ATP8B2: variants seen among roughly 807,000 people sequenced by gnomAD.
ATP8B2 encodes the protein phospholipid-transporting ATPase ID.
ATP8B2 carries 70 observed loss-of-function variants against 133.4 expected under a neutral mutation model. The observed-to-expected ratio is 0.52, with a 90% CI of 0.43 to 0.64. The LOEUF (loss-of-function observed/expected upper bound fraction) is 0.64. Ranked by LOEUF, ATP8B2 falls within the 30% of genes least tolerant of loss-of-function variation. The pLI is 0.00. For synonymous variants in ATP8B2, 517 were observed against 589.5 expected (o/e 0.88, Z 1.78); for missense variants, 1,101 against 1,535.7 (o/e 0.72, Z 4.73).
intron 1 of ATP8B2, 172 bp from the exon 2 acceptor site, chr1:154,327,933 G>C: frequency 1.3e-6 from 2 of 1,559,060 alleles, no homozygotes; most frequent in Non-Finnish European, 1.8e-6. Context: ...TGGTGGGGAA[G>C]TCCCCTCTTT....
At chr1:154,339,646 T>G (rs1254568823) in intron 12 of ATP8B2, among the ~76,000 whole-genome samples, 1 of 152,084 alleles carries the variant, frequency 6.6e-6, no homozygotes, top group Non-Finnish European at 1.5e-5. Flanking sequence ...ACAGTGTGTA[T>G]GTTTCGGGAG....
intron 26 of ATP8B2, among the ~76,000 whole-genome samples, chr1:154,347,490 A>G (rs576092315): frequency 6.6e-6 from 1 of 152,170 alleles, no homozygotes; most frequent in Non-Finnish European, 1.5e-5. Context: ...AAGCTTACTT[A>G]TGTTTTTAAA....
Position 154,345,929 on chromosome 1 carries a change from G to A in ATP8B2, c.2778+46G>A. The A allele has an allele frequency of 6.6e-7, 1 of 1,508,136 alleles. No homozygotes were observed. The highest frequency in any genetic ancestry group is 9.2e-7 in the Non-Finnish European group (1 of 1,084,774). The allele number at this position is 1,508,136 out of a possible 1,614,324, so 93.4% of individuals were successfully genotyped here. A position where few individuals can be genotyped will look rare whatever the true frequency, so the allele number is the denominator to read the frequency against. ...CAGATGGGATGCGGGGAAGGTCACT[G>A]CTTGAAGGAGTCACATAGACGTGGT... is the stretch of plus-strand genomic sequence containing the variant. On this transcript the variant is annotated intron_variant, in intron 24 of 27. Transcript: ENST00000368489. The surrounding 1 kb of genome is among the most constrained non-coding windows in gnomAD (Gnocchi z 5.6).
rs781405177 is a variant in ATP8B2 at position 154,343,208 on chromosome 1, A to G, written c.1549A>G (p.Thr517Ala). Residue 517 changes from threonine (T) to alanine (A), a missense_variant, in exon 16 of 28, where the codon ACA becomes GCA. By Grantham distance (58) the Thr-to-Ala change is moderately conservative (BLOSUM62 0). Coordinates refer to ENST00000368489, the MANE Select transcript of ATP8B2 (RefSeq NM_001370597.1). The surrounding 1 kb of genome is among the most constrained non-coding windows in gnomAD (Gnocchi z 5.8). The stretch of plus-strand genomic sequence containing the variant: ...TGTTTTCCGCTCTCGCACCCCCAAA[A>G]CAATCACCGTCCATGAGATGGGCAC... ...GFVFRSRTPK[T>A]ITVHEMGTAI... is the part of the protein sequence containing the mutation. The G allele has an allele frequency of 9.9e-6, 16 of 1,613,956 alleles. No individual in the cohort carries two copies. Among genetic ancestry groups the G allele is most frequent in the Non-Finnish European group, 1.4e-5 (16 of 1,180,024 alleles).
rs1357113952 is a variant in ATP8B2 at position 154,346,749 on chromosome 1, C to T, written c.3154C>T (p.Arg1052Trp). ...GLFDMFPNQF[R>W]FVGNAQNTLA... ...CTTCGACATGTTTCCCAACCAGTTC[C>T]GGTTTGTGGGTAAGTCCCCGTGGCC... Residue 1052 changes from arginine to tryptophan, a missense_variant, in exon 26 of 28, where the codon CGG (arginine) becomes TGG (tryptophan). Arg to Trp is a moderately radical substitution (Grantham distance 101). Transcript: ENST00000368489. The surrounding 1 kb of genome is among the most constrained non-coding windows in gnomAD (Gnocchi z 4.5). 2 of 1,614,182 alleles carry T rather than the reference C, an allele frequency of 1.2e-6. No individual in the cohort carries two copies. The highest frequency in any genetic ancestry group is 1.1e-5 in the South Asian group (1 of 91,084).
In ATP8B2 at chr1:154,349,467, T is replaced by A. The variant is rs1206573784; in HGVS notation, c.*349T>A. The stretch of plus-strand genomic sequence containing the variant: ...ACCCACAGGGAGACTATAATCTCCT[T>A]ATTTTTTTACTCCTACTCCCCAGAG... On this transcript the variant is annotated 3_prime_UTR_variant, in exon 28 of 28. Transcript: ENST00000368489. 6 of 279,488 alleles carry A rather than the reference T, an allele frequency of 2.1e-5. No homozygotes were observed. The highest frequency in any genetic ancestry group is 3.5e-5 in the Non-Finnish European group (5 of 143,796). 17.3% of individuals were successfully genotyped at this position (279,488 alleles called of 1,614,324 possible). A position where few individuals can be genotyped will look rare whatever the true frequency, so the allele number is the denominator to read the frequency against.
chr1:154,342,249 G>A (rs184592471), intron 13 of ATP8B2, among the ~76,000 whole-genome samples: 27 of 151,884 alleles, frequency 1.8e-4, no homozygotes, highest in Admixed American at 1.1e-3. Context: ...TGAGCAGTGG[G>A]TGCCGGGGCT....
chr1:154,348,516 T>G lies in ATP8B2; in HGVS notation c.3272T>G (p.Leu1091Arg), dbSNP rs1199153228. ...VVAFRFLRLN[L>R]KPDLSDTVRY... ...GCCTTCCGATTCCTCAGGCTCAACCTGAAGCCGGATCTCTCCGACACGGTG... is the reference window on the plus strand; with the variant it reads ...GCCTTCCGATTCCTCAGGCTCAACCGGAAGCCGGATCTCTCCGACACGGTG... The change falls in exon 27 of 28, where the codon CTG (leucine) becomes CGG (arginine). Residue 1091 changes from leucine to arginine, a missense_variant. Leu to Arg is a moderately radical substitution (Grantham distance 102). Coordinates refer to ENST00000368489, the MANE Select transcript of ATP8B2 (RefSeq NM_001370597.1). The G allele has an allele frequency of 6.2e-7, 1 of 1,614,066 alleles. No homozygotes were observed. The highest frequency in any genetic ancestry group is 1.1e-5 in the South Asian group (1 of 91,078).
In ATP8B2 at chr1:154,349,253, C is replaced by T; in HGVS notation, c.*135C>T. On this transcript the variant is annotated 3_prime_UTR_variant, in exon 28 of 28. Transcript: ENST00000368489. ...CCCGGTAGACTCTGTCCTGCTGGTC[C>T]CACCACACATGGCTGGGACATCTGT... is the stretch of plus-strand genomic sequence containing the variant. 9.4e-6 allele frequency: 11 copies of T among 1,175,410 alleles called. No homozygotes were observed. The highest frequency in any genetic ancestry group is 1.3e-5 in the Non-Finnish European group (11 of 846,076). 72.8% of individuals were successfully genotyped at this position (1,175,410 alleles called of 1,614,324 possible). A position where few individuals can be genotyped will look rare whatever the true frequency, so the allele number is the denominator to read the frequency against.
chr1:154,340,999 A>G lies in ATP8B2; in HGVS notation c.1180A>G (p.Thr394Ala). Reference sequence around the variant, plus strand: ...GGTGGAGTACATCTTCTCCGACAAGACGGGCACCCTCACCCAGAACATCAT... The same window carrying G: ...GGTGGAGTACATCTTCTCCGACAAGGCGGGCACCCTCACCCAGAACATCAT... The part of the protein sequence containing the change: ...GQVEYIFSDK[T>A]GTLTQNIMVF... The change falls in exon 13 of 28, where the codon ACG becomes GCG. Residue 394 changes from threonine to alanine, a missense_variant. Coordinates refer to ENST00000368489, the MANE Select transcript of ATP8B2 (RefSeq NM_001370597.1). This position sits in a 1 kb window ranked among gnomAD's most constrained non-coding sequence, Gnocchi z 4.0. The G allele has an allele frequency of 1.2e-6, 2 of 1,614,170 alleles. No individual in the cohort carries two copies. The highest frequency in any genetic ancestry group is 1.7e-6 in the Non-Finnish European group (2 of 1,180,036).
At chr1:154,348,033 T>C (rs1686653019) in intron 26 of ATP8B2, among the ~76,000 whole-genome samples, 1 of 135,344 alleles carries the variant, frequency 7.4e-6, no homozygotes, top group Non-Finnish European at 1.7e-5. Context: ...AAAAAAAAAT[T>C]AAAAAAAAAT....
intron 11 of ATP8B2, among the ~76,000 whole-genome samples, chr1:154,336,325 A>C (rs1686177674): frequency 6.6e-6 from 1 of 152,120 alleles, no homozygotes; most frequent in Non-Finnish European, 1.5e-5. Context: ...ACCTGTCACC[A>C]GTTCTGAGCT....
At chr1:154,347,984 C>T (rs997823828) in intron 26 of ATP8B2, among the ~76,000 whole-genome samples, 2 of 146,214 alleles carry the variant, frequency 1.4e-5, no homozygotes, top group African/African-American at 5.1e-5. Flanking sequence ...ATGTGGGGTC[C>T]AAAGAAGAGA....
Position 154,334,933 on chromosome 1 carries a change from A to T in ATP8B2, c.837+342A>T, listed in dbSNP as rs1686124854. ...TGGGGATGGAGAGGGAATTAAAAGA[A>T]AAATTTCCATTTGGAAGAGGTTGGC... On this transcript the variant is annotated intron_variant, in intron 11 of 27. Transcript: ENST00000368489. The surrounding 1 kb of genome is among the most constrained non-coding windows in gnomAD (Gnocchi z 4.6). Among the ~76,000 whole-genome samples, 1 of 152,216 alleles carries T rather than the reference A, an allele frequency of 6.6e-6. No individual in the cohort carries two copies. The highest frequency in any genetic ancestry group is 2.4e-5 in the African/African-American group (1 of 41,446).
In ATP8B2 at chr1:154,331,355, C is replaced by T. The variant is rs1206485710; in HGVS notation, c.304-89C>T. 10 of 1,404,016 alleles carry T rather than the reference C, an allele frequency of 7.1e-6. No homozygotes were observed. The highest frequency in any genetic ancestry group is 1.4e-5 in the African/African-American group (1 of 70,636). 87.0% of individuals were successfully genotyped at this position (1,404,016 alleles called of 1,614,324 possible). A position where few individuals can be genotyped will look rare whatever the true frequency, so the allele number is the denominator to read the frequency against. On this transcript the variant is annotated intron_variant, in intron 5 of 27. Coordinates refer to ENST00000368489, the MANE Select transcript of ATP8B2 (RefSeq NM_001370597.1). The surrounding 1 kb of genome is among the most constrained non-coding windows in gnomAD (Gnocchi z 4.8). ...GGTTTGTGATGGGGTGTGTATGAGG[C>T]GTTAACCAGCATGCTCTGAGTTCTA...
chr1:154,342,580 A>G (rs1047419110), intron 14 of ATP8B2, 57 bp downstream of exon 14: 4 of 1,555,970 alleles, frequency 2.6e-6, no homozygotes, highest in South Asian at 1.1e-5. Flanking sequence ...CTGGCCAGTA[A>G]CAGTGTAGTC....
At chr1:154,338,201 C>A (rs1352333) in intron 12 of ATP8B2, among the ~76,000 whole-genome samples, 107,659 of 151,880 alleles carry the variant, frequency 0.71, 38,887 homozygotes, top group East Asian at 0.86. Context: ...GGAGAGGAGG[C>A]TGAGAGGGCT....
chr1:154,348,786 C>A, intron 27 of ATP8B2, 54 bp from the exon 28 acceptor site: 1 of 1,505,200 alleles, frequency 6.6e-7, no homozygotes, highest in Admixed American at 2.1e-5. Context: ...TTCTCCTTGG[C>A]GATATCTGAC....
chr1:154,346,461 T>G lies in ATP8B2; in HGVS notation c.3009T>G (p.Ile1003Met), dbSNP rs1308591387. Reference sequence around the variant, plus strand: ...TCACTGTGGCCACATCCTTGGTCATTGTGGTTAGCGTGCAGGTATGAGGCC... The same window carrying G: ...TCACTGTGGCCACATCCTTGGTCATGGTGGTTAGCGTGCAGGTATGAGGCC... The part of the protein sequence containing the change: ...FAVTVATSLV[I>M]VVSVQIGLDT... The change falls in exon 25 of 28, where the codon ATT becomes ATG. Residue 1003 changes from isoleucine (I) to methionine (M), a missense_variant. Coordinates refer to ENST00000368489, the MANE Select transcript of ATP8B2 (RefSeq NM_001370597.1). The surrounding 1 kb of genome is among the most constrained non-coding windows in gnomAD (Gnocchi z 4.5). 4 of 1,613,526 alleles carry G rather than the reference T, an allele frequency of 2.5e-6. No homozygotes were observed. The highest frequency in any genetic ancestry group is 1.3e-5 in the African/African-American group (1 of 74,932).
Sources: gnomAD v4.1 joint callset for allele counts (sites outside exome capture counted in the v4.1 genomes callset) on GRCh38, gnomAD v4.1.1 for gene constraint, Gnocchi (gnomAD v3.1) non-coding constraint, MANE v1.5 for transcripts, NCBI Gene and HGNC (gene_info 2026-07-23, HGNC 2026-07-21) for gene names.